DLC1: variants seen among roughly 807,000 people sequenced by gnomAD.
DLC1 encodes DLC1 Rho GTPase activating protein.
In DLC1, 54 loss-of-function variants were observed where a neutral mutation model predicts 140.3. That is an observed-to-expected ratio of 0.38 (90% confidence interval 0.31 to 0.48). The LOEUF (loss-of-function observed/expected upper bound fraction) is 0.48, where lower values mean the gene tolerates loss of function less well. Among genes scored for constraint, DLC1 ranks in the 20% least tolerant of loss-of-function variants. The pLI is 0.96. For missense variants in DLC1, 2,536 were observed against 1,907.0 expected (o/e 1.33, Z -6.14); for synonymous variants, 986 against 728.1 (o/e 1.35, Z -5.70).
chr8:13,266,249 A>G (rs2117356248), intron 5 of DLC1, among the ~76,000 whole-genome samples: 1 of 152,306 alleles, frequency 6.6e-6, no homozygotes, highest in Admixed American at 6.5e-5. Flanking sequence ...CATGACATAG[A>G]TGTGTGTTCC....
At chr8:13,534,106 C>A (rs1047706953) in intron 1 of DLC1, among the ~76,000 whole-genome samples, 1 of 152,166 alleles carries the variant, frequency 6.6e-6, no homozygotes, top group Non-Finnish European at 1.5e-5. Flanking sequence ...AATATTATCT[C>A]TAATTTCCCT....
At chr8:13,171,417 C>G (rs1825472974) in intron 5 of DLC1, among the ~76,000 whole-genome samples, 1 of 152,146 alleles carries the variant, frequency 6.6e-6, no homozygotes, top group African/African-American at 2.4e-5. Context: ...GGGTCTTGCT[C>G]TGTCACTCAG....
chr8:13,157,040 A>G (rs1012857033), intron 5 of DLC1, among the ~76,000 whole-genome samples: 5 of 152,156 alleles, frequency 3.3e-5, no homozygotes, highest in Non-Finnish European at 7.3e-5. Flanking sequence ...TTCACGCAGA[A>G]CCTTGAGACT....
intron 4 of DLC1, among the ~76,000 whole-genome samples, chr8:13,307,571 C>A (rs557720189): frequency 6.6e-6 from 1 of 152,110 alleles, no homozygotes; most frequent in Admixed American, 6.5e-5. Flanking sequence ...AAAATACATT[C>A]GCTCTTTTGT....
chr8:13,148,884 C>A (rs909770055), intron 5 of DLC1, among the ~76,000 whole-genome samples: 1 of 152,110 alleles, frequency 6.6e-6, no homozygotes, highest in Non-Finnish European at 1.5e-5. Flanking sequence ...GCTCCGCCTC[C>A]CAGGTTCACA....
chr8:13,363,687 A>C (rs141040525), intron 4 of DLC1, among the ~76,000 whole-genome samples: 143 of 152,314 alleles, frequency 9.4e-4, no homozygotes, highest in African/African-American at 3.2e-3. Flanking sequence ...AAAGGAAAAA[A>C]ATCACCAGCA....
At chr8:13,411,255 T>C (rs117392042) in intron 2 of DLC1, among the ~76,000 whole-genome samples, 4,238 of 152,204 alleles carry the variant, frequency 0.028, 95 homozygotes, top group South Asian at 0.05. Context: ...TATCACACCA[T>C]GGAAAGATAT....
intron 5 of DLC1, among the ~76,000 whole-genome samples, chr8:13,200,290 C>T (rs1304647924): frequency 2.0e-5 from 3 of 151,978 alleles, no homozygotes; most frequent in Admixed American, 2.0e-4. Flanking sequence ...TCTCGAACTC[C>T]TGACATCATG....
chr8:13,351,687 C>A (rs1834671094), intron 4 of DLC1, among the ~76,000 whole-genome samples: 1 of 152,142 alleles, frequency 6.6e-6, no homozygotes, highest in South Asian at 2.1e-4. Flanking sequence ...GGGACAGAGA[C>A]TGGAGAGCCC....
chr8:13,225,275 G>C (rs894584976), intron 5 of DLC1, among the ~76,000 whole-genome samples: 4 of 152,164 alleles, frequency 2.6e-5, no homozygotes, highest in African/African-American at 9.7e-5. Flanking sequence ...CTTTCAAAAG[G>C]CTTCATTCTT....
At chr8:13,283,002 C>T (rs1586067196) in intron 5 of DLC1, among the ~76,000 whole-genome samples, 1 of 152,162 alleles carries the variant, frequency 6.6e-6, no homozygotes, top group African/African-American at 2.4e-5. Flanking sequence ...AATTATCAAC[C>T]ATCTCAAAAA....
At chr8:13,523,206 T>C (rs768921945) in intron 1 of DLC1, among the ~76,000 whole-genome samples, 6 of 152,168 alleles carry the variant, frequency 3.9e-5, no homozygotes, top group South Asian at 2.1e-4. Context: ...AGGTGAGAGA[T>C]GATGGATAGT....
At chr8:13,217,650 T>C (rs995146176) in intron 5 of DLC1, among the ~76,000 whole-genome samples, 3 of 151,718 alleles carry the variant, frequency 2.0e-5, no homozygotes, top group African/African-American at 4.8e-5. Context: ...CTGGCTAACA[T>C]GGTGAAACTC....
intron 2 of DLC1, among the ~76,000 whole-genome samples, chr8:13,422,816 C>T (rs901744626): frequency 2.6e-5 from 4 of 151,348 alleles, no homozygotes; most frequent in Non-Finnish European, 4.4e-5. Context: ...AAAAGGAATG[C>T]GTCCAGTGTT....
chr8:13,402,968 C>A (rs768625372), intron 2 of DLC1, among the ~76,000 whole-genome samples: 8 of 152,142 alleles, frequency 5.3e-5, no homozygotes, highest in Non-Finnish European at 1.0e-4. Context: ...ATTGGTTAAT[C>A]AGATTAAATT....
chr8:13,091,411 A>C lies in DLC1; in HGVS notation c.3762T>G (p.Ser1254Arg). The C allele has an allele frequency of 1.2e-6, 2 of 1,614,124 alleles. No homozygotes were observed. Among genetic ancestry groups the C allele is most frequent in the Non-Finnish European group, 1.7e-6 (2 of 1,180,006 alleles). The change falls in exon 14 of 18, where the codon AGT (serine) becomes AGG (arginine). Residue 1254 changes from serine (S) to arginine (R), a missense_variant. Ser to Arg is a moderately radical substitution (Grantham distance 110). Transcript: ENST00000276297. ...SSPRVMQRKQ[S>R]LGKPDQKDLN... Reference sequence around the variant, plus strand: ...AATCTTTCTGATCTGGTTTGCCCAAACTTTGTTTTCTTTGCATTACCCTAG... The same window carrying C: ...AATCTTTCTGATCTGGTTTGCCCAACCTTTGTTTTCTTTGCATTACCCTAG...
At chr8:13,477,842 C>T (rs952373384) in intron 2 of DLC1, among the ~76,000 whole-genome samples, 1 of 150,350 alleles carries the variant, frequency 6.7e-6, no homozygotes, top group African/African-American at 2.4e-5. Flanking sequence ...CAACCAAGAT[C>T]ACTAAATCGT....
chr8:13,587,541 CTA>C (rs1491405273), intron 1 of DLC1, among the ~76,000 whole-genome samples: 1 of 131,258 alleles, frequency 7.6e-6, no homozygotes, highest in Non-Finnish European at 1.7e-5. Flanking sequence ...ACAAATGTGA[CTA>C]TACACACACA....
chr8:13,216,022 C>T (rs761088350), intron 5 of DLC1, among the ~76,000 whole-genome samples: 2 of 152,116 alleles, frequency 1.3e-5, no homozygotes, highest in Non-Finnish European at 2.9e-5. Flanking sequence ...TCCATTCTCT[C>T]GCAGTTCCCA....
Sources: allele counts gnomAD v4.1 joint callset (sites outside exome capture counted in the v4.1 genomes callset), GRCh38; gene constraint gnomAD v4.1.1; transcripts MANE v1.5; gene names NCBI Gene and HGNC (gene_info 2026-07-23, HGNC 2026-07-21).